Variants in USP42 observed in about 807,000 individuals in gnomAD.
USP42 encodes the protein ubiquitin carboxyl-terminal hydrolase 42.
A neutral mutation model predicts 113.0 loss-of-function variants in USP42; 23 were observed. The observed-to-expected ratio is 0.20, with a 90% confidence interval of 0.15 to 0.29. The LOEUF is 0.29. Among genes scored for constraint, USP42 ranks in the 10% least tolerant of loss-of-function variants. The pLI is 1.00. For missense variants in USP42, 2,174 were observed against 1,779.8 expected, an observed-to-expected ratio of 1.22 and a Z score of -3.99; for synonymous variants, 933 against 699.0, an observed-to-expected ratio of 1.33 and a Z score of -5.28.
Position 6,150,192 on chromosome 7 carries a change from G to T in USP42, c.1996G>T (p.Asp666Tyr). ...AAACGGTGCTAATAGTGCAGACAGC[G>T]ACAGTGACCCGAAAGAAAACGGCCT... ...TLNGANSADSDSDPKENGLAP... is the reference protein window; with the variant it reads ...TLNGANSADSYSDPKENGLAP... The change falls in exon 13 of 18, where the codon GAC (aspartate) becomes TAC (tyrosine). Residue 666 changes from aspartate (D) to tyrosine (Y), a missense_variant. By Grantham distance (160) the Asp-to-Tyr change is radical. Coordinates refer to ENST00000306177, the MANE Select transcript of USP42 (RefSeq NM_032172.3). The T allele has an allele frequency of 6.2e-7, 1 of 1,613,922 alleles. No homozygotes were observed. Among genetic ancestry groups the T allele is most frequent in the Non-Finnish European group, 8.5e-7 (1 of 1,179,890 alleles).
chr7:6,147,649 C>G (rs930830304), intron 11 of USP42, 90 bp from the exon 12 acceptor site: 23 of 1,436,420 alleles, frequency 1.6e-5, no homozygotes, highest in Admixed American at 1.0e-4. Flanking sequence ...AGGTTTCCGC[C>G]TGAGGGGTTA....
upstream of USP42, among the ~76,000 whole-genome samples, chr7:6,104,583 C>T (rs370638229): frequency 3.3e-5 from 5 of 152,328 alleles, no homozygotes; most frequent in East Asian, 1.9e-4. Flanking sequence ...CAGGACGAGG[C>T]GAAAGCCCAA....
intron 15 of USP42, among the ~76,000 whole-genome samples, chr7:6,156,534 CAA>C: frequency 1.3e-5 from 2 of 152,272 alleles, no homozygotes; most frequent in Admixed American, 1.3e-4. Flanking sequence ...ACTGCAGCCT[CAA>C]TCTCCTGGGC....
chr7:6,103,504 C>G (rs1263816914), upstream of USP42, among the ~76,000 whole-genome samples: 1 of 142,786 alleles, frequency 7.0e-6, no homozygotes, highest in African/African-American at 2.8e-5. Flanking sequence ...GCCATAAGAG[C>G]AAACTCCGTC....
Position 6,147,787 on chromosome 7 carries a change from C to G in USP42, c.1281C>G (p.Ser427Arg), listed in dbSNP as rs768343811. The G allele has an allele frequency of 2.5e-6, 4 of 1,610,234 alleles. No homozygotes were observed. The highest frequency in any genetic ancestry group is 1.3e-5 in the African/African-American group (1 of 74,874). ...GTGAACTTACTCATCCCACCCATAG[C>G]CCCGGCCAGTCCTCTCCCCGCCCCG... ...NGGELTHPTH[S>R]PGQSSPRPVI... The change falls in exon 12 of 18, where the codon AGC becomes AGG. Residue 427 changes from serine (S) to arginine (R), a missense_variant. Coordinates refer to ENST00000306177, the MANE Select transcript of USP42 (RefSeq NM_032172.3).
At chr7:6,135,651 C>CAAAAAAAAA (rs1173165919) in intron 3 of USP42, among the ~76,000 whole-genome samples, 190 bp from the exon 4 acceptor site, 11 of 16,144 alleles carry the variant, frequency 6.8e-4, no homozygotes, top group East Asian at 2.2e-3. Flanking sequence ...GACTCCATCT[C>CAAAAAAAAA]AAAAAAAAAA....
intron 3 of USP42, among the ~76,000 whole-genome samples, chr7:6,134,059 T>G (rs987636738): frequency 2.0e-5 from 3 of 151,814 alleles, no homozygotes; most frequent in Non-Finnish European, 2.9e-5. Context: ...CCCAGCTAAT[T>G]TTTTTGTATC....
At chr7:6,109,250 A>C (rs375624699) in intron 1 of USP42, among the ~76,000 whole-genome samples, 1 of 152,180 alleles carries the variant, frequency 6.6e-6, no homozygotes, top group Non-Finnish European at 1.5e-5. Flanking sequence ...ACAAAAGAAA[A>C]AAAAACAAGA....
At chr7:6,082,603 G>GTTTTTTTTTTTTTTTT in the USP42 span, among the ~76,000 whole-genome samples, 4 of 90,196 alleles carry the variant, frequency 4.4e-5, 1 homozygote, top group Admixed American at 1.4e-4. Flanking sequence ...CTTTCTTTCT[G>GTTTTTTTTTTTTTTTT]TTTTTTTTTT....
chr7:6,155,025 A>G lies in USP42; in HGVS notation c.3471A>G (p.Gly1157=), dbSNP rs200024706. ...ATCGGTTTCACGAACACGAAAATGG[A>G]AAGTCCCGGAAACGGAGACACGACA... The part of the protein sequence containing the change: ...LSDRFHEHEN[G]KSRKRRHDSV... The change falls in exon 15 of 18, where the codon GGA becomes GGG. Residue 1157 remains glycine (G), a synonymous_variant. Coordinates refer to ENST00000306177, the MANE Select transcript of USP42 (RefSeq NM_032172.3). 24 of 1,563,894 alleles carry G rather than the reference A, an allele frequency of 1.5e-5. No homozygotes were observed. In the East Asian group the frequency reaches 4.8e-4, roughly 31 times the overall value.
the USP42 span, among the ~76,000 whole-genome samples, chr7:6,097,208 G>A: frequency 6.0e-5 from 9 of 151,030 alleles, no homozygotes; most frequent in Admixed American, 2.0e-4. Context: ...TTCCAACACA[G>A]CTGATGCTGT....
chr7:6,121,992 T>C (rs1438272079), intron 3 of USP42, among the ~76,000 whole-genome samples: 1 of 152,196 alleles, frequency 6.6e-6, no homozygotes, highest in African/African-American at 2.4e-5. Context: ...GACCAGAAGT[T>C]TTTTAATGTT....
the USP42 span, among the ~76,000 whole-genome samples, chr7:6,091,144 G>C: frequency 6.6e-6 from 1 of 151,100 alleles, no homozygotes; most frequent in Non-Finnish European, 1.5e-5. Flanking sequence ...TCTGTGGTAA[G>C]AGTCACTGTT....
At chr7:6,121,635 A>G (rs1270348037) in intron 3 of USP42, among the ~76,000 whole-genome samples, 2 of 152,102 alleles carry the variant, frequency 1.3e-5, no homozygotes, top group Admixed American at 6.6e-5. Flanking sequence ...GCAGTTTCTC[A>G]TGGGCAGGTT....
chr7:6,094,933 G>T, the USP42 span, among the ~76,000 whole-genome samples: 1 of 150,884 alleles, frequency 6.6e-6, no homozygotes, highest in Non-Finnish European at 1.5e-5. Flanking sequence ...GATTACAGGT[G>T]CTTGCCACCA....
chr7:6,110,537 A>G (rs1779543656), intron 1 of USP42, among the ~76,000 whole-genome samples: 1 of 152,198 alleles, frequency 6.6e-6, no homozygotes, highest in South Asian at 2.1e-4. Context: ...TTAAAAAGTC[A>G]TACATTCCAT....
chr7:6,155,037 A>G lies in USP42; in HGVS notation c.3483A>G (p.Lys1161=), dbSNP rs759876485. Reference sequence around the variant, plus strand: ...AACACGAAAATGGAAAGTCCCGGAAACGGAGACACGACAGTGTGGAGAACA... The same window carrying G: ...AACACGAAAATGGAAAGTCCCGGAAGCGGAGACACGACAGTGTGGAGAACA... The part of the protein sequence containing the change: ...FHEHENGKSR[K]RRHDSVENSD... The change falls in exon 15 of 18, where the codon AAA becomes AAG. Residue 1161 remains lysine (K), a synonymous_variant. Coordinates refer to ENST00000306177, the MANE Select transcript of USP42 (RefSeq NM_032172.3). The G allele has an allele frequency of 6.4e-6, 10 of 1,563,636 alleles. No homozygotes were observed. The South Asian group carries it at 1.2e-4, about 18-fold the overall frequency.
chr7:6,147,961 G>C (rs1583666944), intron 12 of USP42, 69 bp downstream of exon 12: 2 of 1,462,254 alleles, frequency 1.4e-6, no homozygotes, highest in South Asian at 2.6e-5. Context: ...CTCTCAAGTT[G>C]AATTGTAGTG....
At chr7:6,101,243 G>C (rs1790119402), upstream of USP42, among the ~76,000 whole-genome samples, 1 of 151,030 alleles carries the variant, frequency 6.6e-6, no homozygotes, top group Admixed American at 6.6e-5. Flanking sequence ...CGCCAGTAAG[G>C]AGGACCTGGG....
Sources: allele counts gnomAD v4.1 joint callset (sites outside exome capture counted in the v4.1 genomes callset), GRCh38; gene constraint gnomAD v4.1.1; transcripts MANE v1.5; gene names NCBI Gene and HGNC (gene_info 2026-07-23, HGNC 2026-07-21).